Variants in ICA1L observed in about 807,000 individuals in gnomAD.
ICA1L encodes islet cell autoantigen 1-like protein.
Under a neutral mutation model 61.3 loss-of-function variants are expected in ICA1L, and 50 were observed. That is an observed-to-expected ratio of 0.82 (90% CI 0.65 to 1.03). The LOEUF (loss-of-function observed/expected upper bound fraction) is 1.03, where lower values mean the gene tolerates loss of function less well. Among genes scored for constraint, ICA1L ranks in the 50% least tolerant of loss-of-function variants. The pLI, the probability that ICA1L is intolerant of heterozygous loss-of-function variation, is 0.00. For synonymous variants in ICA1L, 161 were observed against 191.3 expected (o/e 0.84, Z 1.31); for missense variants, 508 against 556.7 (o/e 0.91, Z 0.88).
intron 6 of ICA1L, 49 bp from the exon 7 acceptor site, chr2:202,816,058 T>C (rs767474656): frequency 8.5e-7 from 1 of 1,176,652 alleles, no homozygotes; most frequent in Non-Finnish European, 1.2e-6. Flanking sequence ...CCCTCCATGA[T>C]TTTTTAAGTG....
intron 9 of ICA1L, among the ~76,000 whole-genome samples, chr2:202,809,388 G>A (rs942881616): frequency 1.3e-5 from 2 of 151,938 alleles, no homozygotes; most frequent in African/African-American, 2.4e-5. Context: ...AGTACCCCAC[G>A]CCTGTAATCC....
intron 1 of ICA1L, among the ~76,000 whole-genome samples, chr2:202,856,682 A>T (rs1027941332): frequency 6.6e-6 from 1 of 152,214 alleles, no homozygotes; most frequent in East Asian, 1.9e-4. Flanking sequence ...GAAGAGAGGA[A>T]GTCAACTTAT....
At chr2:202,850,598 G>A (rs1015938094) in intron 1 of ICA1L, among the ~76,000 whole-genome samples, 2 of 152,132 alleles carry the variant, frequency 1.3e-5, no homozygotes, top group Admixed American at 1.3e-4. Flanking sequence ...AAAAAAGAAT[G>A]AAAAGGAATG....
intron 9 of ICA1L, among the ~76,000 whole-genome samples, chr2:202,798,452 G>C (rs1384213350): frequency 6.6e-6 from 1 of 152,146 alleles, no homozygotes; most frequent in South Asian, 2.1e-4. Context: ...TGTTACCCAG[G>C]CAAGTTTTGA....
chr2:202,802,775 C>T (rs942917464), intron 9 of ICA1L, among the ~76,000 whole-genome samples: 8 of 151,070 alleles, frequency 5.3e-5, no homozygotes, highest in African/African-American at 1.9e-4. Context: ...TTTAATAAAA[C>T]AAGAATGATG....
intron 10 of ICA1L, among the ~76,000 whole-genome samples, chr2:202,794,138 A>G (rs1692843628): frequency 6.6e-6 from 1 of 151,918 alleles, no homozygotes; most frequent in African/African-American, 2.4e-5. Context: ...TTTAAGAAGA[A>G]AAAGCAAATA....
chr2:202,849,626 C>T lies in ICA1L; in HGVS notation c.-7-20610G>A, dbSNP rs546877546. Among the ~76,000 whole-genome samples the T allele has an allele frequency of 6.6e-6, 1 of 152,312 alleles. No individual in the cohort carries two copies. The highest frequency in any genetic ancestry group is 1.5e-5 in the Non-Finnish European group (1 of 68,026). ...CATCTCTGAAAGAAAGGCAGCAGCC[C>T]CAGCCAGGGGTTTTTAGATAAAACT... On this transcript the variant is annotated intron_variant, in intron 1 of 12. Coordinates refer to ENST00000358299, the MANE Select transcript of ICA1L (RefSeq NM_001288622.3). This position sits in a 1 kb window ranked among gnomAD's most constrained non-coding sequence, Gnocchi z 4.5.
At position 202,836,115 on chromosome 2, in the gene ICA1L, T is replaced by C. The variant is rs549877478; in HGVS notation, c.-7-7099A>G. Among the ~76,000 whole-genome samples the C allele has an allele frequency of 2.0e-5, 3 of 152,268 alleles. No homozygotes were observed. The South Asian group carries it at 6.2e-4, about 32-fold the overall frequency. On this transcript the variant is annotated intron_variant, in intron 1 of 12. Transcript: ENST00000358299. ...TGTTCTTGATTTCAGAAAAAAAAAC[T>C]TTCAATTTTTCACTGAGCATTATGT...
At chr2:202,785,685 C>T (rs1692558406) in intron 12 of ICA1L, among the ~76,000 whole-genome samples, 1 of 152,148 alleles carries the variant, frequency 6.6e-6, no homozygotes, top group African/African-American at 2.4e-5. Context: ...CCTAGCCCTC[C>T]CAAAGTCCAG....
chr2:202,795,078 T>C (rs1171025095), intron 10 of ICA1L, among the ~76,000 whole-genome samples: 4 of 145,916 alleles, frequency 2.7e-5, no homozygotes, highest in African/African-American at 2.5e-5. Context: ...CTTTTCTTTT[T>C]TTTTTTTTTT....
At chr2:202,796,511 AAT>A (rs1223087058) in intron 10 of ICA1L, among the ~76,000 whole-genome samples, 5 of 152,194 alleles carry the variant, frequency 3.3e-5, no homozygotes, top group African/African-American at 1.2e-4. Context: ...TTGTTTCTTA[AAT>A]AGTGATTTTA....
Position 202,775,053 on chromosome 2 carries a change from T to C in ICA1L, c.*4480A>G, listed in dbSNP as rs1165966326. The stretch of plus-strand genomic sequence containing the variant: ...GTCTTTTAAATGGTACAGAAAAAGA[T>C]GGAAAAATAGCTTATGTTGGGCTTC... On this transcript the variant is annotated 3_prime_UTR_variant, in exon 13 of 13. Coordinates refer to ENST00000358299, the MANE Select transcript of ICA1L (RefSeq NM_001288622.3). 1 of 152,234 alleles carries C rather than the reference T, an allele frequency of 6.6e-6. No homozygotes were observed. Among genetic ancestry groups the C allele is most frequent in the African/African-American group, 2.4e-5 (1 of 41,468 alleles). 9.4% of individuals were successfully genotyped at this position (152,234 alleles called of 1,614,324 possible). A position where few individuals can be genotyped will look rare whatever the true frequency, so the allele number is the denominator to read the frequency against.
At chr2:202,862,963 G>A (rs1170443379) in intron 1 of ICA1L, among the ~76,000 whole-genome samples, 1 of 151,618 alleles carries the variant, frequency 6.6e-6, no homozygotes, top group African/African-American at 2.4e-5. Flanking sequence ...ACTAAAGCAT[G>A]ATTAGAAAAA....
intron 1 of ICA1L, among the ~76,000 whole-genome samples, chr2:202,856,016 T>C (rs1367927732): frequency 7.1e-6 from 1 of 141,376 alleles, no homozygotes; most frequent in Non-Finnish European, 1.5e-5. Flanking sequence ...GAGGTTGCAG[T>C]GAGCCGAGAT....
At chr2:202,830,992 A>G (rs1467040574) in intron 1 of ICA1L, among the ~76,000 whole-genome samples, 1 of 152,224 alleles carries the variant, frequency 6.6e-6, no homozygotes, top group East Asian at 1.9e-4. Context: ...AAAGATAAAA[A>G]TAAAGATATG....
At chr2:202,797,987 G>A (rs1489568443) in intron 9 of ICA1L, among the ~76,000 whole-genome samples, 1 of 152,056 alleles carries the variant, frequency 6.6e-6, no homozygotes, top group Non-Finnish European at 1.5e-5. Context: ...CTACTTCTAT[G>A]AGTTCAACTT....
intron 6 of ICA1L, among the ~76,000 whole-genome samples, chr2:202,816,403 A>G (rs1693536054): frequency 6.6e-6 from 1 of 152,250 alleles, no homozygotes; most frequent in South Asian, 2.1e-4. Context: ...GGGAATATAT[A>G]AAACTTTTTA....
At chr2:202,794,034 A>G (rs575889127) in intron 10 of ICA1L, among the ~76,000 whole-genome samples, 22 of 152,116 alleles carry the variant, frequency 1.4e-4, no homozygotes, top group Non-Finnish European at 2.2e-4. Flanking sequence ...TAGCAAGCAG[A>G]GTAGTATAAA....
rs142023419 is a variant in ICA1L, at chr2:202,784,310, T to C, written c.1333+1608A>G. ...CTACACAAAAATTGGCCAGGCGTGG[T>C]GGTACATGTCTGTAGACCCAGCTAC... On this transcript the variant is annotated intron_variant, in intron 12 of 12. Transcript: ENST00000358299. Among the ~76,000 whole-genome samples, 468 of 152,246 alleles carry C rather than the reference T, an allele frequency of 3.1e-3. 3 individuals carry two copies. Among genetic ancestry groups the C allele is most frequent in the African/African-American group, 0.01 (430 of 41,546 alleles).
Sources: allele counts gnomAD v4.1 joint callset (sites outside exome capture counted in the v4.1 genomes callset), GRCh38; gene constraint gnomAD v4.1.1; non-coding constraint Gnocchi (gnomAD v3.1); transcripts MANE v1.5; gene names NCBI Gene and HGNC (gene_info 2026-07-23, HGNC 2026-07-21).